Variants in HKDC1 observed in about 807,000 individuals in gnomAD.
The protein encoded by HKDC1 is hexokinase domain containing 1.
HKDC1 carries 66 observed loss-of-function variants against 96.6 expected under a neutral mutation model. The observed-to-expected ratio is 0.68, with a 90% CI of 0.56 to 0.84. The LOEUF (loss-of-function observed/expected upper bound fraction) is 0.84. Ranked by LOEUF, HKDC1 falls within the 40% of genes least tolerant of loss-of-function variation. The probability of loss-of-function intolerance (pLI) is 0.00; values close to 1 mark genes in which losing one functional copy is unlikely to be tolerated. For synonymous variants in HKDC1, 466 were observed against 473.1 expected, an observed-to-expected ratio of 0.98 and a Z score of 0.20; for missense variants, 1,211 against 1,208.1, an observed-to-expected ratio of 1.00 and a Z score of -0.04.
intron 13 of HKDC1, 44 bp from the exon 14 acceptor site, chr10:69,257,283 T>C (rs760522913): frequency 6.4e-7 from 1 of 1,565,704 alleles, no homozygotes. Context: ...CACATTCAAC[T>C]CATAGTAAAG....
chr10:69,233,332 G>C (rs1843304386), intron 4 of HKDC1, among the ~76,000 whole-genome samples, 199 bp downstream of exon 4: 1 of 152,180 alleles, frequency 6.6e-6, no homozygotes, highest in Non-Finnish European at 1.5e-5. Context: ...ATTAACGTGG[G>C]CACAGCTCGG....
chr10:69,227,308 C>A lies in HKDC1; in HGVS notation c.165C>A (p.Thr55=). Residue 55 remains threonine (T), a synonymous_variant, in exon 2 of 18, where the codon ACC becomes ACA. Coordinates refer to ENST00000354624, the MANE Select transcript of HKDC1 (RefSeq NM_025130.4). ...AEMEKGLAKD[T]NPTAAVKMLP... is the part of the protein sequence containing the mutation. ...TGGAGAAGGGCCTGGCAAAGGACAC[C>A]AACCCCACGGCTGCAGTGAAGATGT... 1.2e-6 allele frequency: 2 copies of A among 1,614,182 alleles called. No individual in the cohort carries two copies. Among genetic ancestry groups the A allele is most frequent in the Non-Finnish European group, 1.7e-6 (2 of 1,180,040 alleles).
intron 1 of HKDC1, among the ~76,000 whole-genome samples, chr10:69,226,735 C>T (rs939445737): frequency 6.6e-6 from 1 of 152,142 alleles, no homozygotes; most frequent in African/African-American, 2.4e-5. Flanking sequence ...AGCTTCCTAG[C>T]AGCCAGTAAA....
chr10:69,256,771 G>A (rs75824809), intron 12 of HKDC1, among the ~76,000 whole-genome samples: 6,450 of 151,970 alleles, frequency 0.042, 217 homozygotes, highest in Non-Finnish European at 0.061. Context: ...CCTTTATTCC[G>A]CGTAATCATG....
At chr10:69,232,191 T>C (rs1843273445) in intron 2 of HKDC1, among the ~76,000 whole-genome samples, 1 of 152,186 alleles carries the variant, frequency 6.6e-6, no homozygotes, top group Non-Finnish European at 1.5e-5. Context: ...TGGGTTGTGT[T>C]CCAATGTCTC....
chr10:69,238,757 G>A (rs1004801797), intron 4 of HKDC1, among the ~76,000 whole-genome samples: 1 of 152,224 alleles, frequency 6.6e-6, no homozygotes, highest in African/African-American at 2.4e-5. Flanking sequence ...GTAGACTGAG[G>A]CTCAGAGAGG....
At chr10:69,228,206 G>C (rs1345974767) in intron 2 of HKDC1, among the ~76,000 whole-genome samples, 2 of 152,124 alleles carry the variant, frequency 1.3e-5, no homozygotes, top group East Asian at 1.9e-4. Flanking sequence ...CATCCTTGAG[G>C]CATGCCCCTT....
chr10:69,261,054 C>T (rs1318704022), intron 15 of HKDC1, 85 bp from the exon 16 acceptor site: 11 of 1,270,776 alleles, frequency 8.7e-6, no homozygotes, highest in Admixed American at 5.3e-5. Context: ...TTGCTCCATG[C>T]GTAGCTCCAA....
chr10:69,225,302 T>C (rs1843137298), intron 1 of HKDC1, among the ~76,000 whole-genome samples: 1 of 152,122 alleles, frequency 6.6e-6, no homozygotes, highest in African/African-American at 2.4e-5. Flanking sequence ...TCAAGTTTGG[T>C]TCCCACATAC....
In HKDC1 at chr10:69,250,323, G is replaced by A. The variant is rs138845753; in HGVS notation, c.1604G>A (p.Gly535Glu). 1.2e-6 allele frequency: 2 copies of A among 1,614,084 alleles called. No individual in the cohort carries two copies. The highest frequency in any genetic ancestry group is 1.1e-5 in the South Asian group (1 of 91,078). Residue 535 changes from glycine to glutamate, a missense_variant, in exon 11 of 18, where the codon GGA becomes GAA. Transcript: ENST00000354624. ...KGKFLALDLG[G>E]TNFRVLLVKI... Reference sequence around the variant, plus strand: ...AAGTTTCTCGCCCTGGATCTTGGGGGAACCAACTTCCGGGTCCTCCTGGTG... The same window carrying A: ...AAGTTTCTCGCCCTGGATCTTGGGGAAACCAACTTCCGGGTCCTCCTGGTG...
At chr10:69,239,210 G>T in intron 5 of HKDC1, 73 bp downstream of exon 5, 2 of 1,105,782 alleles carry the variant, frequency 1.8e-6, no homozygotes, top group South Asian at 1.3e-5. Context: ...GGGGCTGGGG[G>T]TGAGGTGAGG....
In HKDC1 at chr10:69,265,729, T is replaced by C. The variant is rs755340626; in HGVS notation, c.2517T>C (p.Ala839=). ...AGCTCTGCGGTGCTGGCCTGGCCGC[T>C]ATAGTGGAAAAAAGGAGAGAAGACC... ...AAQLCGAGLA[A]IVEKRREDQG... Residue 839 remains alanine, a synonymous_variant, in exon 17 of 18, where the codon GCT becomes GCC. Transcript: ENST00000354624. The C allele has an allele frequency of 1.9e-6, 3 of 1,613,000 alleles. No individual in the cohort carries two copies. In the South Asian group the frequency reaches 3.3e-5, roughly 18 times the overall value.
Position 69,232,867 on chromosome 10 carries a change from G to A in HKDC1, c.330G>A (p.Gln110=), listed in dbSNP as rs1337893942. The A allele has an allele frequency of 6.2e-7, 1 of 1,613,898 alleles. No individual in the cohort carries two copies. The highest frequency in any genetic ancestry group is 8.5e-7 in the Non-Finnish European group (1 of 1,180,058). Reference sequence around the variant, plus strand: ...AGCGACACGTGCAGATGGAGAGTCAGTTCTACCCAACGCCCAATGAAATCA... The same window carrying A: ...AGCGACACGTGCAGATGGAGAGTCAATTCTACCCAACGCCCAATGAAATCA... ...EGKRHVQMES[Q]FYPTPNEIIR... is the part of the protein sequence containing the mutation. Residue 110 remains glutamine, a synonymous_variant, in exon 3 of 18, where the codon CAG becomes CAA. Coordinates refer to ENST00000354624, the MANE Select transcript of HKDC1 (RefSeq NM_025130.4).
Position 69,238,643 on chromosome 10 carries a change from TG to T in HKDC1, c.496-396del, listed in dbSNP as rs1217689908. ...CACCCGCCTCGGCCTCCCAAAGTGC[TG>T]GGATTACAGGCGTGAGCCACCGCGC... On this transcript the variant is annotated intron_variant, in intron 4 of 17. Coordinates refer to ENST00000354624, the MANE Select transcript of HKDC1 (RefSeq NM_025130.4). Among the ~76,000 whole-genome samples the T allele has an allele frequency of 7.2e-5, 2 of 27,682 alleles. 1 individual carries two copies. Among genetic ancestry groups the T allele is most frequent in the Non-Finnish European group, 1.4e-4 (2 of 14,722 alleles). The allele number at this position is 27,682 out of a possible 152,430, so 18.2% of individuals were successfully genotyped here. A position where few individuals can be genotyped will look rare whatever the true frequency, so the allele number is the denominator to read the frequency against.
At chr10:69,240,240 G>C (rs1389718816) in intron 5 of HKDC1, among the ~76,000 whole-genome samples, 2 of 152,150 alleles carry the variant, frequency 1.3e-5, no homozygotes, top group African/African-American at 2.4e-5. Flanking sequence ...GAGCCCAGGA[G>C]TTTGAGGCTG....
Position 69,267,422 on chromosome 10 carries a change from G to A in HKDC1, c.*665G>A, listed in dbSNP as rs773292115. 8 of 448,508 alleles carry A rather than the reference G, an allele frequency of 1.8e-5. 1 individual carries two copies. The highest frequency in any genetic ancestry group is 1.7e-4 in the Admixed American group (7 of 40,828). The allele number at this position is 448,508 out of a possible 1,614,324, so 27.8% of individuals were successfully genotyped here. ...CCTTATTAAGTGTGTGCCATGTGGT[G>A]GGGTGCTGTCTGGGGCATCTGTTTT... On this transcript the variant is annotated 3_prime_UTR_variant, in exon 18 of 18. Transcript: ENST00000354624.
chr10:69,234,899 A>C (rs1398161116), intron 4 of HKDC1, among the ~76,000 whole-genome samples: 1 of 152,272 alleles, frequency 6.6e-6, no homozygotes, highest in Non-Finnish European at 1.5e-5. Context: ...GCCATCATCT[A>C]TACAGGGGAC....
chr10:69,249,647 C>T (rs1843605142), intron 10 of HKDC1, among the ~76,000 whole-genome samples: 2 of 152,344 alleles, frequency 1.3e-5, no homozygotes, highest in African/African-American at 2.4e-5. Flanking sequence ...AGGCGCCCAG[C>T]ACCACACCCG....
In HKDC1 at chr10:69,243,283, G is replaced by T; in HGVS notation, c.793G>T (p.Gly265Trp). The stretch of plus-strand genomic sequence containing the variant: ...CATCAACACAGAGTGGGGGGCCTTC[G>T]GGGACGACGGGGCCCTGGAGGACAT... ...MCINTEWGAFGDDGALEDIRT... is the reference protein window; with the variant it reads ...MCINTEWGAFWDDGALEDIRT... Residue 265 changes from glycine to tryptophan, a missense_variant, in exon 7 of 18, where the codon GGG becomes TGG. Gly to Trp is a radical substitution (Grantham distance 184). Transcript: ENST00000354624. 1 of 1,613,988 alleles carries T rather than the reference G, an allele frequency of 6.2e-7. No homozygotes were observed. The highest frequency in any genetic ancestry group is 8.5e-7 in the Non-Finnish European group (1 of 1,179,912).
Sources: allele counts gnomAD v4.1 joint callset (sites outside exome capture counted in the v4.1 genomes callset), GRCh38; gene constraint gnomAD v4.1.1; transcripts MANE v1.5; gene names NCBI Gene and HGNC (gene_info 2026-07-23, HGNC 2026-07-21).